NCOA1: variants seen among roughly 807,000 people sequenced by gnomAD.
NCOA1 encodes nuclear receptor coactivator 1.
Under a neutral mutation model 150.9 loss-of-function variants are expected in NCOA1, and 35 were observed. The ratio of observed to expected loss-of-function variants is 0.23; its 90% CI spans 0.18 to 0.31. The LOEUF is 0.31. Ranked by LOEUF, NCOA1 falls within the 10% of genes least tolerant of loss-of-function variation. NCOA1 has a pLI of 1.00. For synonymous variants in NCOA1, 590 were observed against 630.0 expected, an observed-to-expected ratio of 0.94 and a Z score of 0.95; for missense variants, 1,491 against 1,749.3, an observed-to-expected ratio of 0.85 and a Z score of 2.63.
chr2:24,722,455 A>T (rs1185518998), intron 14 of NCOA1, among the ~76,000 whole-genome samples: 2 of 152,220 alleles, frequency 1.3e-5, no homozygotes, highest in Non-Finnish European at 2.9e-5. Context: ...ATTTCCAGTC[A>T]TGTGGAACCA....
intron 14 of NCOA1, among the ~76,000 whole-genome samples, chr2:24,721,503 T>C (rs756254116): frequency 1.3e-5 from 2 of 152,242 alleles, no homozygotes; most frequent in Non-Finnish European, 2.9e-5. Context: ...ATGTAGATTC[T>C]GATTATAGAA....
At chr2:24,683,209 A>G (rs1672255440) in intron 8 of NCOA1, 81 bp downstream of exon 8, 1 of 807,130 alleles carries the variant, frequency 1.2e-6, no homozygotes. Flanking sequence ...TGTGATTATT[A>G]TATTTATAAT....
At chr2:24,767,018 C>CT (rs1020068158) in intron 22 of NCOA1, among the ~76,000 whole-genome samples, 6 of 152,100 alleles carry the variant, frequency 3.9e-5, no homozygotes, top group African/African-American at 1.4e-4. Context: ...GAAAGCTCAG[C>CT]TTGGGGGCTG....
intron 3 of NCOA1, among the ~76,000 whole-genome samples, chr2:24,640,739 G>A (rs1670175584): frequency 6.6e-6 from 1 of 152,126 alleles, no homozygotes; most frequent in South Asian, 2.1e-4. Flanking sequence ...TAGTCCTGAA[G>A]TCTACTTTCG....
At chr2:24,751,411 C>T (rs1430008067) in intron 19 of NCOA1, among the ~76,000 whole-genome samples, 9 of 151,468 alleles carry the variant, frequency 5.9e-5, no homozygotes, top group South Asian at 2.1e-4. Flanking sequence ...GGTGAAACCC[C>T]GTCTCCTCTA....
intron 21 of NCOA1, among the ~76,000 whole-genome samples, chr2:24,759,881 T>C (rs1187612898): frequency 6.6e-6 from 1 of 152,008 alleles, no homozygotes; most frequent in Admixed American, 6.6e-5. Flanking sequence ...ATACATGTTA[T>C]ATTTATATAT....
At chr2:24,600,919 G>A (rs371830173) in intron 3 of NCOA1, among the ~76,000 whole-genome samples, 3 of 151,976 alleles carry the variant, frequency 2.0e-5, no homozygotes, top group Admixed American at 6.5e-5. Context: ...CTCAGTTTTC[G>A]TTAAGTCAAA....
At chr2:24,741,637 G>T in intron 18 of NCOA1, 147 bp from the exon 19 acceptor site, 1 of 842,142 alleles carries the variant, frequency 1.2e-6, no homozygotes, top group Non-Finnish European at 1.8e-6. Context: ...AGAGGTTTTT[G>T]TTCCTTTTCT....
rs1328741925 is a variant in NCOA1, at chr2:24,706,806, G to A, written c.1336G>A (p.Gly446Arg). 6.2e-6 allele frequency: 10 copies of A among 1,614,070 alleles called. No individual in the cohort carries two copies. Among genetic ancestry groups the A allele is most frequent in the African/African-American group, 2.7e-5 (2 of 74,920 alleles). The change falls in exon 13 of 23, where the codon GGA becomes AGA. Residue 446 changes from glycine (G) to arginine (R), a missense_variant. Gly to Arg is a moderately radical substitution (Grantham distance 125, BLOSUM62 -2). Around this residue, in one of 8 missense-constraint regions of NCOA1, gnomAD observed 703 missense variants for 717.7 expected, o/e 0.98. Transcript: ENST00000348332. ...NSQGSFGCSP[G>R]SQIVANVALN... Reference sequence around the variant, plus strand: ...CCAAGGAAGTTTCGGATGCTCACCCGGAAGTCAGATTGTAGCCAATGTTGC... The same window carrying A: ...CCAAGGAAGTTTCGGATGCTCACCCAGAAGTCAGATTGTAGCCAATGTTGC...
At position 24,738,107 on chromosome 2, in the gene NCOA1, TC is replaced by T. The variant is rs556053811; in HGVS notation, c.3202-1321del. On this transcript the variant is annotated intron_variant, in intron 17 of 22. Transcript: ENST00000348332. Reference sequence around the variant, plus strand: ...TAACATTTATATTATAATGAGCTTTTCCCCAAAATTGGTTTGTTTTCTGATC... The same window carrying T: ...TAACATTTATATTATAATGAGCTTTTCCCAAAATTGGTTTGTTTTCTGATC... Among the ~76,000 whole-genome samples, 31 of 152,204 alleles carry T rather than the reference TC, an allele frequency of 2.0e-4. No individual in the cohort carries two copies. The East Asian group carries it at 4.1e-3, about 20-fold the overall frequency.
chr2:24,713,570 G>A (rs1673866964), intron 14 of NCOA1, among the ~76,000 whole-genome samples: 1 of 152,176 alleles, frequency 6.6e-6, no homozygotes, highest in Admixed American at 6.5e-5. Flanking sequence ...TTTCAACTAT[G>A]ACAGCAATAA....
Position 24,656,708 on chromosome 2 carries a change from A to G in NCOA1, c.-17-1953A>G, listed in dbSNP as rs1670968113. Reference sequence around the variant, plus strand: ...TTCTTTAGTTTACACATGAGTGAGAATATGCAGTGTTTGTCCTGTGGCTGG... The same window carrying G: ...TTCTTTAGTTTACACATGAGTGAGAGTATGCAGTGTTTGTCCTGTGGCTGG... On this transcript the variant is annotated intron_variant, in intron 4 of 22. Transcript: ENST00000348332. Among the ~76,000 whole-genome samples, 3 of 152,218 alleles carry G rather than the reference A, an allele frequency of 2.0e-5. 1 individual carries two copies. Among genetic ancestry groups the G allele is most frequent in the Admixed American group, 2.0e-4 (3 of 15,282 alleles).
intron 14 of NCOA1, among the ~76,000 whole-genome samples, chr2:24,718,143 A>T (rs1046016163): frequency 6.6e-6 from 1 of 151,916 alleles, no homozygotes; most frequent in Non-Finnish European, 1.5e-5. Flanking sequence ...CAAGTGATCC[A>T]CCCGCCTTGG....
chr2:24,556,987 A>G (rs1025250415), intron 1 of NCOA1, among the ~76,000 whole-genome samples: 7 of 151,304 alleles, frequency 4.6e-5, no homozygotes, highest in Admixed American at 2.6e-4. Flanking sequence ...ATTTTGGGCC[A>G]GATAATTCAT....
At position 24,711,153 on chromosome 2, in the gene NCOA1, T is replaced by G. The variant is rs758714551; in HGVS notation, c.2599+42T>G. On this transcript the variant is annotated intron_variant, in intron 14 of 22. Coordinates refer to ENST00000348332, the MANE Select transcript of NCOA1 (RefSeq NM_003743.5). Reference sequence around the variant, plus strand: ...ACACCTCATTTTAAACGTTTAGTGATAATGTGGATTAGCATTTTGTCTCTC... The same window carrying G: ...ACACCTCATTTTAAACGTTTAGTGAGAATGTGGATTAGCATTTTGTCTCTC... 3.9e-6 allele frequency: 6 copies of G among 1,554,934 alleles called. No individual in the cohort carries two copies. In the South Asian group the frequency reaches 7.2e-5, roughly 19 times the overall value.
At chr2:24,498,141 G>C (rs1663302272) in intron 1 of NCOA1, among the ~76,000 whole-genome samples, 1 of 152,158 alleles carries the variant, frequency 6.6e-6, no homozygotes, top group Non-Finnish European at 1.5e-5. Flanking sequence ...TGGTGAATTT[G>C]TTTGTAAGAA....
At chr2:24,516,955 A>ATATACGTATATATACAT (rs1558758490) in intron 1 of NCOA1, among the ~76,000 whole-genome samples, 1 of 70,078 alleles carries the variant, frequency 1.4e-5, no homozygotes. Flanking sequence ...TATATATACA[A>ATATACGTATATATACAT]GTATATATAC....
In NCOA1 at chr2:24,691,595, A is replaced by G; in HGVS notation, c.647A>G (p.Gln216Arg). ...GGGACCGAGAACCAAGAAGCTTGCC[A>G]GCGTTATGAAGTAATGCAGTGTTTC... ...EPGTENQEAC[Q>R]RYEVMQCFTV... Residue 216 changes from glutamine to arginine, a missense_variant, in exon 9 of 23, where the codon CAG becomes CGG. Coordinates refer to ENST00000348332, the MANE Select transcript of NCOA1 (RefSeq NM_003743.5). 1 of 1,614,208 alleles carries G rather than the reference A, an allele frequency of 6.2e-7. No individual in the cohort carries two copies. The highest frequency in any genetic ancestry group is 8.5e-7 in the Non-Finnish European group (1 of 1,180,028).
chr2:24,723,682 T>C (rs999352338), intron 14 of NCOA1, among the ~76,000 whole-genome samples: 2 of 152,236 alleles, frequency 1.3e-5, no homozygotes, highest in East Asian at 3.8e-4. Context: ...TTAATGATTT[T>C]ATAATATTCA....
Sources: gnomAD v4.1 joint callset for allele counts (sites outside exome capture counted in the v4.1 genomes callset) on GRCh38, gnomAD v4.1.1 for gene constraint, gnomAD v4.1.1 regional missense constraint, MANE v1.5 for transcripts, NCBI Gene and HGNC (gene_info 2026-07-23, HGNC 2026-07-21) for gene names.